The following EFHC1 variants were observed in gnomAD, a reference collection of about 807,000 sequenced individuals.
EFHC1 encodes EF-hand domain containing 1.
EFHC1 carries 53 observed loss-of-function variants against 69.9 expected under a neutral mutation model. The observed-to-expected ratio is 0.76, with a 90% CI of 0.61 to 0.95. The LOEUF is 0.95. Ranked by LOEUF, EFHC1 falls within the 40% of genes least tolerant of loss-of-function variation. EFHC1 has a pLI of 0.00. For missense variants in EFHC1, 739 were observed against 798.7 expected (o/e 0.93, Z 0.90); for synonymous variants, 256 against 278.4 (o/e 0.92, Z 0.80).
At chr6:52,450,420 G>A (rs1422023876) in intron 3 of EFHC1, among the ~76,000 whole-genome samples, 1 of 152,166 alleles carries the variant, frequency 6.6e-6, no homozygotes, top group Non-Finnish European at 1.5e-5. Context: ...GTCTCCCACT[G>A]CTGTTGTATG....
At chr6:52,474,248 C>G (rs896124536) in intron 7 of EFHC1, among the ~76,000 whole-genome samples, 6 of 152,144 alleles carry the variant, frequency 3.9e-5, no homozygotes, top group Admixed American at 2.0e-4. Context: ...CCCAGGAGTT[C>G]GAAGCTGTAG....
At chr6:52,425,091 A>G (rs911740202) in intron 2 of EFHC1, among the ~76,000 whole-genome samples, 4 of 152,180 alleles carry the variant, frequency 2.6e-5, no homozygotes, top group African/African-American at 9.7e-5. Context: ...CATTTACATG[A>G]TAGTCACTTA....
In EFHC1 at chr6:52,420,401, A is replaced by G; in HGVS notation, c.-10A>G. The G allele has an allele frequency of 6.2e-7, 1 of 1,614,154 alleles. No individual in the cohort carries two copies. The highest frequency in any genetic ancestry group is 8.5e-7 in the Non-Finnish European group (1 of 1,180,004). On this transcript the variant is annotated 5_prime_UTR_variant, in exon 1 of 11. Transcript: ENST00000371068. ...GCAGGACCTAGGTGGCGGCGGTGGT[A>G]CCGGCTGCAATGGTGTCCAATCCCG...
intron 2 of EFHC1, among the ~76,000 whole-genome samples, chr6:52,429,201 G>A (rs1466934639): frequency 2.6e-5 from 4 of 152,120 alleles, no homozygotes; most frequent in African/African-American, 9.7e-5. Flanking sequence ...GGTTAATTAA[G>A]TCCCAGCTAT....
intron 7 of EFHC1, among the ~76,000 whole-genome samples, chr6:52,471,561 T>C (rs1765435895): frequency 6.6e-6 from 1 of 152,122 alleles, no homozygotes. Flanking sequence ...TTTCAGATAC[T>C]GGCACTATGA....
Position 52,492,445 on chromosome 6 carries a change from T to C in EFHC1, c.*104T>C, listed in dbSNP as rs756465504. 2.4e-6 allele frequency: 3 copies of C among 1,230,068 alleles called. No individual in the cohort carries two copies. Among genetic ancestry groups the C allele is most frequent in the Non-Finnish European group, 3.5e-6 (3 of 856,140 alleles). 76.2% of individuals were successfully genotyped at this position (1,230,068 alleles called of 1,614,324 possible). ...CATTTACAGGGTTCCTGAAGTTTTA[T>C]TTCTGTTTTGGTTCTTCTTTCACTC... On this transcript the variant is annotated 3_prime_UTR_variant, in exon 11 of 11. Transcript: ENST00000371068.
Position 52,420,443 on chromosome 6 carries a change from T to C in EFHC1, c.33T>C (p.Phe11=). The change falls in exon 1 of 11, where the codon TTT becomes TTC. Residue 11 remains phenylalanine, a synonymous_variant. Coordinates refer to ENST00000371068, the MANE Select transcript of EFHC1 (RefSeq NM_018100.4). ...CCAATCCCGTGCATGGCTTGCCCTT[T>C]CTTCCGGGCACGTCCTTTAAGGACT... MVSNPVHGLP[F]LPGTSFKDST... The C allele has an allele frequency of 1.2e-6, 2 of 1,614,210 alleles. No individual in the cohort carries two copies. The highest frequency in any genetic ancestry group is 2.2e-5 in the South Asian group (2 of 91,078).
intron 9 of EFHC1, chr6:52,480,258 T>G (rs1000022850): frequency 8.6e-6 from 2 of 232,442 alleles, no homozygotes; most frequent in Non-Finnish European, 1.7e-5. Flanking sequence ...GTGGATCATC[T>G]TAAAGGTCTT....
At position 52,420,934 on chromosome 6, in the gene EFHC1, A is replaced by T. The variant is rs139258815; in HGVS notation, c.63+461A>T. 1.3e-3 allele frequency: 1,222 copies of T among 924,904 alleles called. 15 individuals carry two copies. In the African/African-American group the frequency reaches 0.019, roughly 15 times the overall value. 57.3% of individuals were successfully genotyped at this position (924,904 alleles called of 1,614,324 possible). On this transcript the variant is annotated intron_variant, in intron 1 of 10. Coordinates refer to ENST00000371068, the MANE Select transcript of EFHC1 (RefSeq NM_018100.4). ...AACCCCCCGCCACTATGCACCTTCAACCTCATTCCCACAGGTCCGTCATTC... is the reference window on the plus strand; with the variant it reads ...AACCCCCCGCCACTATGCACCTTCATCCTCATTCCCACAGGTCCGTCATTC...
intron 3 of EFHC1, among the ~76,000 whole-genome samples, chr6:52,451,677 G>A (rs1263537966): frequency 1.3e-5 from 2 of 152,128 alleles, no homozygotes; most frequent in Non-Finnish European, 2.9e-5. Flanking sequence ...TTGATTGTTG[G>A]CCTCTCTAGC....
chr6:52,495,673 C>T lies in EFHC1; in HGVS notation c.*3332C>T, dbSNP rs777886701. 1.6e-5 allele frequency: 7 copies of T among 441,116 alleles called. No individual in the cohort carries two copies. The highest frequency in any genetic ancestry group is 2.7e-5 in the Non-Finnish European group (6 of 218,956). 27.3% of individuals were successfully genotyped at this position (441,116 alleles called of 1,614,324 possible). A position where few individuals can be genotyped will look rare whatever the true frequency, so the allele number is the denominator to read the frequency against. ...GTGTGACCATAGCTCACTGCAGCCT[C>T]AAACTCCTGGGCTCATGCAATCCTC... On this transcript the variant is annotated 3_prime_UTR_variant, in exon 11 of 11. Transcript: ENST00000371068.
At chr6:52,425,021 C>T (rs750253253) in intron 2 of EFHC1, among the ~76,000 whole-genome samples, 1 of 152,122 alleles carries the variant, frequency 6.6e-6, no homozygotes, top group African/African-American at 2.4e-5. Context: ...ACATTTTCAT[C>T]CAGCCAGCCA....
At chr6:52,425,765 C>T (rs1018813462) in intron 2 of EFHC1, among the ~76,000 whole-genome samples, 3 of 152,134 alleles carry the variant, frequency 2.0e-5, no homozygotes, top group African/African-American at 7.2e-5. Flanking sequence ...TATGGTTTCT[C>T]TGAATTAAAT....
chr6:52,480,066 C>A (rs1337848455), intron 9 of EFHC1: 2 of 602,488 alleles, frequency 3.3e-6, no homozygotes, highest in African/African-American at 3.7e-5. Context: ...ACTTTTGACA[C>A]CCCAAAACTT....
chr6:52,451,468 C>T (rs1393001404), intron 3 of EFHC1, among the ~76,000 whole-genome samples: 4 of 152,326 alleles, frequency 2.6e-5, no homozygotes, highest in South Asian at 2.1e-4. Flanking sequence ...GGCCCCCAAT[C>T]TCTTCTGGCT....
intron 7 of EFHC1, among the ~76,000 whole-genome samples, chr6:52,475,990 A>C (rs1317764599): frequency 1.3e-5 from 2 of 152,230 alleles, no homozygotes; most frequent in African/African-American, 4.8e-5. Context: ...AGCAGAGCAG[A>C]AACCAAACGA....
At chr6:52,422,673 A>T (rs1483483691) in intron 1 of EFHC1, among the ~76,000 whole-genome samples, 1 of 152,310 alleles carries the variant, frequency 6.6e-6, no homozygotes, top group South Asian at 2.1e-4. Flanking sequence ...TAATTGTGAA[A>T]GTATCCTCAC....
intron 2 of EFHC1, among the ~76,000 whole-genome samples, chr6:52,435,661 C>T (rs1764516634): frequency 6.6e-6 from 1 of 152,182 alleles, no homozygotes; most frequent in African/African-American, 2.4e-5. Flanking sequence ...AAGGGGCTTC[C>T]AGTCTGATTG....
At chr6:52,452,890 A>T in intron 4 of EFHC1, 53 bp downstream of exon 4, 1 of 1,612,104 alleles carries the variant, frequency 6.2e-7, no homozygotes, top group Non-Finnish European at 8.5e-7. Flanking sequence ...TGTGACCTAC[A>T]TTTATTGGCA....
Sources: allele counts gnomAD v4.1 joint callset (sites outside exome capture counted in the v4.1 genomes callset), GRCh38; gene constraint gnomAD v4.1.1; transcripts MANE v1.5; gene names NCBI Gene and HGNC (gene_info 2026-07-23, HGNC 2026-07-21).